PAM: variants seen among roughly 807,000 people sequenced by gnomAD.
PAM encodes the protein peptidyl-glycine alpha-amidating monooxygenase.
Under a neutral mutation model 122.1 loss-of-function variants are expected in PAM, and 72 were observed. The observed-to-expected ratio is 0.59, with a 90% CI of 0.49 to 0.72. PAM has a LOEUF of 0.72. Among genes scored for constraint, PAM ranks in the 30% least tolerant of loss-of-function variants. The probability of loss-of-function intolerance (pLI) is 0.00; values close to 1 mark genes in which losing one functional copy is unlikely to be tolerated. For synonymous variants in PAM, 389 were observed against 404.4 expected (o/e 0.96, Z 0.46); for missense variants, 1,106 against 1,183.7 (o/e 0.93, Z 0.96).
rs34828967 is a variant in PAM, at chr5:102,864,185, T to TATA, written c.-373-1638_-373-1637insATA. 4.6e-3 allele frequency among the ~76,000 whole-genome samples: 534 copies of TATA among 115,038 alleles called. 4 individuals carry two copies. Among genetic ancestry groups the TATA allele is most frequent in the African/African-American group, 0.019 (469 of 25,032 alleles). The allele number at this position is 115,038 out of a possible 152,430, so 75.5% of individuals were successfully genotyped here. ...CTTCATATATATATATATATATATATTTTTTTTTTTTTTAAAGAACTTCAG... is the reference window on the plus strand; with the variant it reads ...CTTCATATATATATATATATATATATATATTTTTTTTTTTTTAAAGAACTTCAG... On this transcript the variant is annotated intron_variant, in intron 1 of 25. Transcript: ENST00000438793.
chr5:102,945,464 TA>T (rs1449636428), intron 7 of PAM, among the ~76,000 whole-genome samples: 1 of 150,770 alleles, frequency 6.6e-6, no homozygotes, highest in East Asian at 1.9e-4. Flanking sequence ...ATAAACTATA[TA>T]TAAACTAAAT....
intron 7 of PAM, among the ~76,000 whole-genome samples, chr5:102,941,833 CAAA>C (rs70990420): frequency 6.2e-4 from 36 of 58,376 alleles, no homozygotes; most frequent in African/African-American, 2.2e-3. Context: ...CCAGATGGTA[CAAA>C]AAAAAAAAAA....
chr5:102,907,435 T>C (rs1327005272), intron 4 of PAM, among the ~76,000 whole-genome samples: 3 of 151,498 alleles, frequency 2.0e-5, no homozygotes, highest in Non-Finnish European at 4.4e-5. Flanking sequence ...TAAACATACG[T>C]GTGCTTGTGT....
At position 102,884,042 on chromosome 5, in the gene PAM, A is replaced by G. The variant is rs578230651; in HGVS notation, c.210+16649A>G. Among the ~76,000 whole-genome samples the G allele has an allele frequency of 3.9e-5, 6 of 151,966 alleles. No individual in the cohort carries two copies. The South Asian group carries it at 1.2e-3, about 31-fold the overall frequency. On this transcript the variant is annotated intron_variant, in intron 3 of 25. Coordinates refer to ENST00000438793, the MANE Select transcript of PAM (RefSeq NM_001177306.2). ...GTGTGATCCTATCTTAATAAAAATA[A>G]ATAATAACAAAAATCCCAATATACA...
chr5:102,885,958 C>T (rs113213903), intron 3 of PAM, among the ~76,000 whole-genome samples: 2,529 of 152,128 alleles, frequency 0.017, 74 homozygotes, highest in African/African-American at 0.055. Flanking sequence ...TTCAAGTCTA[C>T]TGTTGTTTGA....
At chr5:102,813,735 C>T (rs1768683031) in intron 1 of PAM, among the ~76,000 whole-genome samples, 1 of 152,094 alleles carries the variant, frequency 6.6e-6, no homozygotes, top group South Asian at 2.1e-4. Context: ...ACAATTTTTC[C>T]ATTAACTCCT....
chr5:102,785,099 CA>C (rs1239257538), intron 1 of PAM, among the ~76,000 whole-genome samples: 1 of 152,166 alleles, frequency 6.6e-6, no homozygotes, highest in Non-Finnish European at 1.5e-5. Flanking sequence ...GATTCATGTG[CA>C]GAACATGCAG....
intron 1 of PAM, among the ~76,000 whole-genome samples, chr5:102,815,147 A>C (rs1285627141): frequency 6.6e-6 from 1 of 152,062 alleles, no homozygotes; most frequent in Non-Finnish European, 1.5e-5. Context: ...TCATTTCCCC[A>C]CTGCAGATCC....
At chr5:102,885,006 T>C (rs1481171990) in intron 3 of PAM, among the ~76,000 whole-genome samples, 1 of 151,662 alleles carries the variant, frequency 6.6e-6, no homozygotes, top group Non-Finnish European at 1.5e-5. Flanking sequence ...ATGATGTTTC[T>C]GAGAGATTGG....
At chr5:102,786,301 A>G (rs1325184114) in intron 1 of PAM, among the ~76,000 whole-genome samples, 1 of 152,218 alleles carries the variant, frequency 6.6e-6, no homozygotes, top group Non-Finnish European at 1.5e-5. Context: ...ATTTCCTAAT[A>G]TGCAAAATGG....
At chr5:102,781,230 A>G (rs971422044) in intron 1 of PAM, among the ~76,000 whole-genome samples, 1 of 152,268 alleles carries the variant, frequency 6.6e-6, no homozygotes, top group African/African-American at 2.4e-5. Context: ...GTCATTTAAC[A>G]CTGGGATTAT....
chr5:102,935,941 C>G (rs956486707), intron 7 of PAM, among the ~76,000 whole-genome samples: 7 of 152,172 alleles, frequency 4.6e-5, no homozygotes, highest in African/African-American at 1.7e-4. Context: ...GCAGCCAGAG[C>G]TGGCTCAGAT....
intron 1 of PAM, among the ~76,000 whole-genome samples, chr5:102,769,219 G>A (rs1035037128): frequency 1.3e-5 from 2 of 151,730 alleles, no homozygotes; most frequent in Non-Finnish European, 2.9e-5. Context: ...TTCCAGCAGA[G>A]TTGTTGGAGC....
chr5:102,903,556 T>C (rs1367016689), intron 4 of PAM, among the ~76,000 whole-genome samples: 1 of 151,552 alleles, frequency 6.6e-6, no homozygotes, highest in Non-Finnish European at 1.5e-5. Flanking sequence ...CAATAGTTTG[T>C]ATGGAATTCT....
At chr5:102,769,239 A>G (rs548319547) in intron 1 of PAM, among the ~76,000 whole-genome samples, 2 of 151,944 alleles carry the variant, frequency 1.3e-5, no homozygotes, top group South Asian at 4.2e-4. Flanking sequence ...CTCCTTATGT[A>G]TTCTGGTTAC....
At chr5:102,914,127 C>T in intron 5 of PAM, 106 bp downstream of exon 5, 1 of 677,688 alleles carries the variant, frequency 1.5e-6, no homozygotes, top group South Asian at 1.7e-5. Context: ...ATAGGCAGAA[C>T]ATTTTAAGAA....
intron 16 of PAM, among the ~76,000 whole-genome samples, chr5:102,997,336 A>G (rs1026530578): frequency 3.9e-5 from 6 of 152,054 alleles, no homozygotes; most frequent in African/African-American, 1.4e-4. Flanking sequence ...CCTGGTCAAT[A>G]TAGGGAGACC....
At chr5:103,001,290 CT>C (rs1359740873) in intron 16 of PAM, among the ~76,000 whole-genome samples, 1 of 152,074 alleles carries the variant, frequency 6.6e-6, no homozygotes, top group Non-Finnish European at 1.5e-5. Flanking sequence ...GTGTTTCATA[CT>C]AGCAAGAGTG....
chr5:103,014,921 A>AT (rs1781570648), intron 21 of PAM, among the ~76,000 whole-genome samples: 1 of 152,098 alleles, frequency 6.6e-6, no homozygotes. Context: ...GGACAGGCAT[A>AT]TTTTTTGTCG....
Sources: allele counts gnomAD v4.1 joint callset (sites outside exome capture counted in the v4.1 genomes callset), GRCh38; gene constraint gnomAD v4.1.1; transcripts MANE v1.5; gene names NCBI Gene and HGNC (gene_info 2026-07-23, HGNC 2026-07-21).